NUP133: variants seen among roughly 807,000 people sequenced by gnomAD.
NUP133 encodes the protein nucleoporin 133.
A neutral mutation model predicts 146.2 loss-of-function variants in NUP133; 66 were observed. The observed-to-expected ratio is 0.45, with a 90% CI of 0.37 to 0.55. NUP133 has a LOEUF of 0.55. NUP133 is among the 20% of genes least tolerant of loss of function. The pLI is 0.00. For missense variants in NUP133, 1,277 were observed against 1,374.8 expected (o/e 0.93, Z 1.12); for synonymous variants, 521 against 498.8 (o/e 1.04, Z -0.59).
intron 16 of NUP133, 108 bp downstream of exon 16, chr1:229,466,526 A>T: frequency 8.3e-7 from 1 of 1,201,568 alleles, no homozygotes; most frequent in Non-Finnish European, 1.2e-6. Flanking sequence ...ACAAATGTCT[A>T]CAACCTTATA....
intron 23 of NUP133, among the ~76,000 whole-genome samples, chr1:229,450,126 C>A (rs1395904205): frequency 6.6e-6 from 1 of 150,488 alleles, no homozygotes; most frequent in African/African-American, 2.4e-5. Context: ...AAACTCCCAA[C>A]CTCAGGTGAT....
chr1:229,496,474 A>C (rs1470116357), intron 6 of NUP133, among the ~76,000 whole-genome samples: 1 of 152,170 alleles, frequency 6.6e-6, no homozygotes, highest in Non-Finnish European at 1.5e-5. Flanking sequence ...TTCCATCTCC[A>C]AAACAAACAA....
intron 23 of NUP133, 40 bp from the exon 24 acceptor site, chr1:229,449,230 C>T: frequency 7.2e-7 from 1 of 1,381,174 alleles, no homozygotes. Flanking sequence ...TAAATCCTGG[C>T]TCTGAAAGAA....
intron 10 of NUP133, among the ~76,000 whole-genome samples, chr1:229,486,816 C>T (rs1661363191): frequency 6.6e-6 from 1 of 151,056 alleles, no homozygotes; most frequent in Admixed American, 6.6e-5. Context: ...ATTATTCCTT[C>T]TGCAAAACTC....
At chr1:229,493,201 A>C (rs1661566740) in intron 8 of NUP133, among the ~76,000 whole-genome samples, 1 of 152,184 alleles carries the variant, frequency 6.6e-6, no homozygotes, top group African/African-American at 2.4e-5. Flanking sequence ...TCTTAGAAAA[A>C]AGGTCTTTCT....
intron 25 of NUP133, among the ~76,000 whole-genome samples, chr1:229,443,358 A>G (rs1391017062): frequency 2.6e-5 from 4 of 152,074 alleles, no homozygotes; most frequent in African/African-American, 9.7e-5. Flanking sequence ...CTTTTATAAC[A>G]CCATTCTCAA....
At chr1:229,458,101 C>T in intron 21 of NUP133, 60 bp downstream of exon 21, 3 of 1,553,180 alleles carry the variant, frequency 1.9e-6, no homozygotes, top group Non-Finnish European at 1.8e-6. Flanking sequence ...GACAGGAACA[C>T]ATCATGAGTT....
rs371854905 is a variant in NUP133, at chr1:229,470,758, G to A, written c.1898C>T (p.Pro633Leu). 4.1e-5 allele frequency: 66 copies of A among 1,614,118 alleles called. No individual in the cohort carries two copies. Among genetic ancestry groups the A allele is most frequent in the Middle Eastern group, 3.3e-4 (2 of 6,038 alleles). ...RLGSFPVRGT[P>L]MATRLLLCEH... is the part of the protein sequence containing the mutation. ...ACAGAGCAACAGTCGAGTGGCCATCGGTGTCCCTCTAACTGGAAAACTGCC... is the reference window on the plus strand; with the variant it reads ...ACAGAGCAACAGTCGAGTGGCCATCAGTGTCCCTCTAACTGGAAAACTGCC... The change falls in exon 15 of 26, where the codon CCG becomes CTG. Residue 633 changes from proline (P) to leucine (L), a missense_variant. This residue lies in a region of NUP133 where 952 missense variants were observed against 1,047.0 expected (regional missense o/e 0.91). Coordinates refer to ENST00000261396, the MANE Select transcript of NUP133 (RefSeq NM_018230.3).
chr1:229,450,572 C>A lies in NUP133; in HGVS notation c.3133G>T (p.Glu1045Ter). 1 of 1,584,258 alleles carries A rather than the reference C, an allele frequency of 6.3e-7. No homozygotes were observed. Among genetic ancestry groups the A allele is most frequent in the South Asian group, 1.1e-5 (1 of 87,916 alleles). ...YICEENRRAN[E>*]YDFKKALDLL... ...TCCAAAGCTTTCTTGAAATCATATTCATTAGCTCTTCTATTTTCTTCACAG... is the reference window on the plus strand; with the variant it reads ...TCCAAAGCTTTCTTGAAATCATATTAATTAGCTCTTCTATTTTCTTCACAG... The change falls in exon 23 of 26, where the codon GAA (glutamate) becomes TAA (stop). Residue 1045 changes from glutamate to a stop codon, truncating the protein, a stop_gained. Transcript: ENST00000261396. LOFTEE classifies it high-confidence loss of function.
At chr1:229,464,982 A>G in intron 17 of NUP133, 107 bp from the exon 18 acceptor site, 1 of 1,326,266 alleles carries the variant, frequency 7.5e-7, no homozygotes, top group Non-Finnish European at 1.1e-6. Flanking sequence ...CTGGAAAATT[A>G]CATTGAACAG....
intron 10 of NUP133, 63 bp downstream of exon 10, chr1:229,487,403 A>G (rs1661381257): frequency 2.0e-6 from 3 of 1,508,804 alleles, no homozygotes; most frequent in South Asian, 1.2e-5. Flanking sequence ...AGGGAAAGAG[A>G]AAAAAAGCAC....
intron 25 of NUP133, among the ~76,000 whole-genome samples, chr1:229,443,046 A>G (rs1411387201): frequency 6.6e-6 from 1 of 151,650 alleles, no homozygotes; most frequent in African/African-American, 2.4e-5. Context: ...TTTTTTATTG[A>G]GACAGGGTCT....
intron 2 of NUP133, among the ~76,000 whole-genome samples, chr1:229,505,040 C>T (rs938719018): frequency 6.6e-6 from 1 of 152,128 alleles, no homozygotes; most frequent in Admixed American, 6.6e-5. Context: ...TATACACAGA[C>T]CTTTTCATTA....
At chr1:229,507,837 A>C in intron 1 of NUP133, 1 of 843,298 alleles carries the variant, frequency 1.2e-6, no homozygotes, top group Non-Finnish European at 1.4e-6. Context: ...TTTGTACTTC[A>C]CTTCTGCACA....
At chr1:229,495,458 T>C (rs1465674009) in intron 8 of NUP133, 37 bp downstream of exon 8, 2 of 1,455,376 alleles carry the variant, frequency 1.4e-6, no homozygotes, top group Non-Finnish European at 9.6e-7. Context: ...TTTTCCAAAC[T>C]CTTCTCTATG....
intron 23 of NUP133, among the ~76,000 whole-genome samples, chr1:229,449,873 A>ATATATATATATATATATATATATTT (rs1261799272): frequency 1.2e-5 from 1 of 85,798 alleles, no homozygotes; most frequent in African/African-American, 5.1e-5. Context: ...ATATATATAT[A>ATATATATATATATATATATATATTT]TTTTTTTTTT....
intron 25 of NUP133, among the ~76,000 whole-genome samples, chr1:229,443,526 G>C (rs1479484464): frequency 6.6e-6 from 1 of 152,056 alleles, no homozygotes; most frequent in African/African-American, 2.4e-5. Context: ...GGCTGAAGTA[G>C]CTGTTGCACT....
intron 19 of NUP133, among the ~76,000 whole-genome samples, chr1:229,461,273 G>GAGAGGCCC (rs549342633): frequency 3.3e-5 from 5 of 152,094 alleles, no homozygotes; most frequent in Non-Finnish European, 7.3e-5. Context: ...TCAAAATCTA[G>GAGAGGCCC]AGAGGCCCAA....
intron 11 of NUP133, among the ~76,000 whole-genome samples, chr1:229,485,801 T>C (rs1452924186): frequency 1.3e-5 from 2 of 152,186 alleles, no homozygotes; most frequent in Non-Finnish European, 2.9e-5. Flanking sequence ...AAAGAACTAA[T>C]GTCTGCATCA....
Sources: allele counts gnomAD v4.1 joint callset (sites outside exome capture counted in the v4.1 genomes callset), GRCh38; gene constraint gnomAD v4.1.1; regional missense constraint gnomAD v4.1.1; transcripts MANE v1.5; gene names NCBI Gene and HGNC (gene_info 2026-07-23, HGNC 2026-07-21).